ZCCHC7: variants seen among roughly 807,000 people sequenced by gnomAD.
ZCCHC7 encodes zinc finger CCHC domain-containing protein 7.
A neutral mutation model predicts 52.0 loss-of-function variants in ZCCHC7; 35 were observed. The ratio of observed to expected loss-of-function variants is 0.67; its 90% CI spans 0.51 to 0.89. The LOEUF (loss-of-function observed/expected upper bound fraction) is 0.89. ZCCHC7 is among the 40% of genes least tolerant of loss of function. ZCCHC7 has a pLI of 0.00. For synonymous variants in ZCCHC7, 217 were observed against 221.5 expected, an observed-to-expected ratio of 0.98 and a Z score of 0.18; for missense variants, 574 against 649.1, an observed-to-expected ratio of 0.88 and a Z score of 1.26.
intron 5 of ZCCHC7, among the ~76,000 whole-genome samples, chr9:37,314,749 TAAAAAAAA>T (rs34853130): frequency 8.3e-6 from 1 of 120,832 alleles, no homozygotes; most frequent in Non-Finnish European, 1.6e-5. Flanking sequence ...CGATCTCTTT[TAAAAAAAA>T]AAAAAAAAAA....
At position 37,305,709 on chromosome 9, in the gene ZCCHC7, A is replaced by G. The variant is rs1392711754; in HGVS notation, c.946A>G (p.Thr316Ala). The G allele has an allele frequency of 6.2e-7, 1 of 1,614,040 alleles. No individual in the cohort carries two copies. The highest frequency in any genetic ancestry group is 8.5e-7 in the Non-Finnish European group (1 of 1,179,972). Residue 316 changes from threonine (T) to alanine (A), a missense_variant, in exon 5 of 9, where the codon ACA (threonine) becomes GCA (alanine). Physicochemically the swap from Thr to Ala is moderately conservative, Grantham distance 58. This residue lies in a region of ZCCHC7 where 403 missense variants were observed against 461.2 expected (regional missense o/e 0.87). Transcript: ENST00000336755. Reference sequence around the variant, plus strand: ...CCGATGTCATATGCTAGGCCACTATACAGATGTGAGTATCCTGCATATAAC... The same window carrying G: ...CCGATGTCATATGCTAGGCCACTATGCAGATGTGAGTATCCTGCATATAAC... ...CDRCHMLGHYTDACTEIWRQY... is the reference protein window; with the variant it reads ...CDRCHMLGHYADACTEIWRQY...
At chr9:37,188,703 A>C (rs904706872) in intron 2 of ZCCHC7, among the ~76,000 whole-genome samples, 4 of 1,034 alleles carry the variant, frequency 3.9e-3, no homozygotes, top group Non-Finnish European at 5.9e-3. Context: ...CCCTTCCCCC[A>C]CCCCTCCCCC....
At chr9:37,276,831 A>C (rs1368564309) in intron 2 of ZCCHC7, among the ~76,000 whole-genome samples, 1 of 152,204 alleles carries the variant, frequency 6.6e-6, no homozygotes, top group Non-Finnish European at 1.5e-5. Flanking sequence ...TCATGACTGG[A>C]GTATCTTATC....
intron 2 of ZCCHC7, among the ~76,000 whole-genome samples, chr9:37,270,356 C>T (rs941845599): frequency 7.9e-5 from 12 of 152,062 alleles, no homozygotes; most frequent in Non-Finnish European, 2.9e-5. Context: ...TGTGAAAAGA[C>T]TCAGATACAC....
At chr9:37,213,417 A>C (rs1284047621) in intron 2 of ZCCHC7, among the ~76,000 whole-genome samples, 1 of 152,200 alleles carries the variant, frequency 6.6e-6, no homozygotes, top group African/African-American at 2.4e-5. Flanking sequence ...ATTTTAAGAA[A>C]TATTAGTTAA....
At chr9:37,306,621 A>G (rs1034533314) in intron 5 of ZCCHC7, among the ~76,000 whole-genome samples, 1 of 148,872 alleles carries the variant, frequency 6.7e-6, no homozygotes, top group Non-Finnish European at 1.5e-5. Flanking sequence ...ACGTGCCACC[A>G]CACCTGGCTA....
At chr9:37,342,430 G>T (rs923734483) in intron 6 of ZCCHC7, among the ~76,000 whole-genome samples, 1 of 152,200 alleles carries the variant, frequency 6.6e-6, no homozygotes, top group Non-Finnish European at 1.5e-5. Context: ...CAAGGCTGAA[G>T]ATAGAATTTT....
chr9:37,151,187 C>T (rs1286236453), intron 2 of ZCCHC7, among the ~76,000 whole-genome samples: 1 of 151,874 alleles, frequency 6.6e-6, no homozygotes, highest in African/African-American at 2.4e-5. Flanking sequence ...AGGATAGTCT[C>T]GATCTCCTGA....
At position 37,270,029 on chromosome 9, in the gene ZCCHC7, A is replaced by T. The variant is rs1405368696; in HGVS notation, c.611-32159A>T. On this transcript the variant is annotated intron_variant, in intron 2 of 8. Transcript: ENST00000336755. Reference sequence around the variant, plus strand: ...TTTGGTAGCCATTAGCTATGTGTGTATCTGGTCTGAATTGAGATGTGTTAT... The same window carrying T: ...TTTGGTAGCCATTAGCTATGTGTGTTTCTGGTCTGAATTGAGATGTGTTAT... 2.0e-5 allele frequency among the ~76,000 whole-genome samples: 3 copies of T among 152,328 alleles called. No individual in the cohort carries two copies. In the East Asian group the frequency reaches 5.8e-4, roughly 29 times the overall value.
At chr9:37,152,691 T>G (rs959590593) in intron 2 of ZCCHC7, among the ~76,000 whole-genome samples, 11 of 152,260 alleles carry the variant, frequency 7.2e-5, no homozygotes, top group African/African-American at 2.7e-4. Flanking sequence ...AGCATTCTTA[T>G]CACATCAAGT....
intron 2 of ZCCHC7, among the ~76,000 whole-genome samples, chr9:37,136,173 G>A (rs763202918): frequency 2.0e-5 from 3 of 152,062 alleles, no homozygotes; most frequent in Admixed American, 2.0e-4. Context: ...CTCAATTAGT[G>A]GTTGTTATTG....
intron 7 of ZCCHC7, among the ~76,000 whole-genome samples, chr9:37,351,680 C>G (rs566400883): frequency 6.6e-6 from 1 of 152,308 alleles, no homozygotes; most frequent in African/African-American, 2.4e-5. Flanking sequence ...ACTAAACATT[C>G]AGATGTTGTC....
chr9:37,283,404 A>G (rs1420407143), intron 2 of ZCCHC7, among the ~76,000 whole-genome samples: 1 of 152,206 alleles, frequency 6.6e-6, no homozygotes, highest in Non-Finnish European at 1.5e-5. Flanking sequence ...ATCTAACTAT[A>G]GCCTCTTCAA....
chr9:37,133,266 C>T (rs1842865996), intron 2 of ZCCHC7, among the ~76,000 whole-genome samples: 1 of 151,916 alleles, frequency 6.6e-6, no homozygotes, highest in East Asian at 1.9e-4. Flanking sequence ...CATACCCATA[C>T]AATGTAAATA....
At chr9:37,337,126 C>G (rs1236833767) in intron 6 of ZCCHC7, among the ~76,000 whole-genome samples, 1 of 151,984 alleles carries the variant, frequency 6.6e-6, no homozygotes, top group Non-Finnish European at 1.5e-5. Flanking sequence ...CTTTATTTCC[C>G]CTAAAAGTGA....
intron 5 of ZCCHC7, among the ~76,000 whole-genome samples, chr9:37,318,732 T>C (rs904717803): frequency 2.0e-5 from 3 of 151,656 alleles, no homozygotes; most frequent in Non-Finnish European, 4.4e-5. Context: ...GGCCAACATG[T>C]TGAAACCCTG....
chr9:37,333,520 C>G (rs574409237), intron 6 of ZCCHC7, among the ~76,000 whole-genome samples: 1 of 151,756 alleles, frequency 6.6e-6, no homozygotes, highest in African/African-American at 2.4e-5. Context: ...AGTTGTACTT[C>G]TGTTTTAAAA....
intron 2 of ZCCHC7, among the ~76,000 whole-genome samples, chr9:37,258,612 G>A (rs772212596): frequency 2.0e-5 from 3 of 151,680 alleles, no homozygotes; most frequent in Admixed American, 6.6e-5. Flanking sequence ...AAAAATTGGC[G>A]TGGCACATGC....
intron 2 of ZCCHC7, among the ~76,000 whole-genome samples, chr9:37,198,821 T>C (rs192600448): frequency 6.6e-6 from 1 of 152,266 alleles, no homozygotes; most frequent in South Asian, 2.1e-4. Context: ...TTTGGTTAGA[T>C]AGGATAGGTG....
Sources: allele counts gnomAD v4.1 joint callset (sites outside exome capture counted in the v4.1 genomes callset), GRCh38; gene constraint gnomAD v4.1.1; regional missense constraint gnomAD v4.1.1; transcripts MANE v1.5; gene names NCBI Gene and HGNC (gene_info 2026-07-23, HGNC 2026-07-21).